Variants in TST observed in about 807,000 individuals in gnomAD.
TST encodes epididymis secretory sperm binding protein.
TST carries 22 observed loss-of-function variants against 20.4 expected under a neutral mutation model. The observed-to-expected ratio is 1.08, with a 90% CI of 0.77 to 1.54. The LOEUF is 1.54. Among genes scored for constraint, TST ranks in the 40% most tolerant of loss-of-function variants. The probability of loss-of-function intolerance (pLI) is 0.00; values close to 1 mark genes in which losing one functional copy is unlikely to be tolerated. For synonymous variants in TST, 187 were observed against 173.8 expected, an observed-to-expected ratio of 1.08 and a Z score of -0.60; for missense variants, 392 against 405.2, an observed-to-expected ratio of 0.97 and a Z score of 0.28.
intron 2 of TST, among the ~76,000 whole-genome samples, chr22:37,015,592 T>C (rs1421471862): frequency 1.3e-5 from 2 of 152,260 alleles, no homozygotes; most frequent in Non-Finnish European, 2.9e-5. Context: ...TTGCCTAAGG[T>C]GAGCAGGAAG....
upstream of TST, chr22:37,019,794 G>A (rs1192903997): frequency 1.0e-4 from 105 of 1,042,060 alleles, no homozygotes; most frequent in South Asian, 4.9e-5. Flanking sequence ...GGGAGGAGGG[G>A]ACAGCTGCGG....
Position 37,018,125 on chromosome 22 carries a change from C to G in TST, c.595+13G>C, listed in dbSNP as rs754009797. 6.5e-7 allele frequency: 1 copy of G among 1,529,738 alleles called. No homozygotes were observed. Among genetic ancestry groups the G allele is most frequent in the Admixed American group, 2.0e-5 (1 of 50,438 alleles). The allele number at this position is 1,529,738 out of a possible 1,614,324, so 94.8% of individuals were successfully genotyped here. A position where few individuals can be genotyped will look rare whatever the true frequency, so the allele number is the denominator to read the frequency against. Reference sequence around the variant, plus strand: ...AATACTCCCCAGGGACCACCCAGCACTGGGACACCTACCTACTGCATCCGG... The same window carrying G: ...AATACTCCCCAGGGACCACCCAGCAGTGGGACACCTACCTACTGCATCCGG... On this transcript the variant is annotated intron_variant, in intron 2 of 2. Coordinates refer to ENST00000249042, the MANE Select transcript of TST (RefSeq NM_003312.6).
At position 37,011,110 on chromosome 22, in the gene TST, C is replaced by T. The variant is rs761288130; in HGVS notation, c.811G>A (p.Val271Met). ...CACTCGGACCAGGAGCCATCGTACA[C>T]GGCCACATCAGGCTTGCCGCAGAGG... ...AYLCGKPDVA[V>M]YDGSWSEWFR... The change falls in exon 3 of 3, where the codon GTG (valine) becomes ATG (methionine). Residue 271 changes from valine to methionine, a missense_variant. Coordinates refer to ENST00000249042, the MANE Select transcript of TST (RefSeq NM_003312.6). 43 of 1,613,470 alleles carry T rather than the reference C, an allele frequency of 2.7e-5. No individual in the cohort carries two copies. The highest frequency in any genetic ancestry group is 1.1e-4 in the South Asian group (10 of 91,074).
chr22:37,019,635 G>GCGCGGGGGC, upstream of TST: 1 of 300,556 alleles, frequency 3.3e-6, no homozygotes. Flanking sequence ...ACGCCGGGTG[G>GCGCGGGGGC]CGCGGGGGCC....
At chr22:37,020,012 G>A, upstream of TST, 1 of 437,912 alleles carries the variant, frequency 2.3e-6, no homozygotes, top group East Asian at 3.6e-5. Flanking sequence ...CGCTACGTTG[G>A]CACTAAGGGT....
Position 37,014,530 on chromosome 22 carries a change from AG to A in TST, c.596-3206del, listed in dbSNP as rs775796976. 9.2e-5 allele frequency among the ~76,000 whole-genome samples: 14 copies of A among 152,332 alleles called. No homozygotes were observed. The East Asian group carries it at 9.6e-4, about 10-fold the overall frequency. ...CCCCATTCCCATAACCTGCGGCACC[AG>A]GCACTTGACAGCAGGTGCTCTCAAG... is the stretch of plus-strand genomic sequence containing the variant. On this transcript the variant is annotated intron_variant, in intron 2 of 2. Transcript: ENST00000249042.
intron 2 of TST, among the ~76,000 whole-genome samples, chr22:37,016,307 T>A (rs548301375): frequency 6.6e-6 from 1 of 152,172 alleles, no homozygotes; most frequent in South Asian, 2.1e-4. Context: ...CTCTTCTCAT[T>A]TTATGATAAG....
In TST at chr22:37,018,577, G is replaced by A. The variant is rs772954637; in HGVS notation, c.156C>T (p.His52=). The A allele has an allele frequency of 3.8e-6, 6 of 1,562,804 alleles. No individual in the cohort carries two copies. The highest frequency in any genetic ancestry group is 4.3e-6 in the Non-Finnish European group (5 of 1,153,856). The stretch of plus-strand genomic sequence containing the variant: ...TGTCAAAGAAAGAGGCGCCGGGTAC[G>A]TGGCGCTCGAGGTACTCCTTGCGGG... ...REARKEYLER[H]VPGASFFDIE... is the part of the protein sequence containing the mutation. Residue 52 remains histidine, a synonymous_variant, in exon 2 of 3, where the codon CAC becomes CAT. Coordinates refer to ENST00000249042, the MANE Select transcript of TST (RefSeq NM_003312.6).
At chr22:37,017,324 TTC>T (rs1922717311) in intron 2 of TST, among the ~76,000 whole-genome samples, 1 of 152,142 alleles carries the variant, frequency 6.6e-6, no homozygotes, top group Non-Finnish European at 1.5e-5. Flanking sequence ...GGAGGGGAAC[TTC>T]TGAGTCGCCT....
intron 2 of TST, among the ~76,000 whole-genome samples, chr22:37,013,575 T>C (rs578231484): frequency 1.3e-5 from 2 of 152,156 alleles, no homozygotes; most frequent in Admixed American, 6.5e-5. Context: ...GCCTGGGTGA[T>C]AGAGCAAGAC....
chr22:37,018,155 G>A lies in TST; in HGVS notation c.578C>T (p.Pro193Leu), dbSNP rs777456318. The A allele has an allele frequency of 8.3e-6, 13 of 1,559,550 alleles. No homozygotes were observed. The highest frequency in any genetic ancestry group is 2.1e-4 in the Middle Eastern group (1 of 4,810). The change falls in exon 2 of 3, where the codon CCG becomes CTG. Residue 193 changes from proline to leucine, a missense_variant. Coordinates refer to ENST00000249042, the MANE Select transcript of TST (RefSeq NM_003312.6). ...ACACCTACCTACTGCATCCGGCTCC[G>A]GCTCGGTGCCCAGGAACCGCCCTTG... ...RSQGRFLGTE[P>L]EPDAVGLDSG... is the part of the protein sequence containing the mutation.
chr22:37,015,704 G>A (rs1318609721), intron 2 of TST, among the ~76,000 whole-genome samples: 1 of 152,148 alleles, frequency 6.6e-6, no homozygotes, highest in Non-Finnish European at 1.5e-5. Context: ...CCACCCCCAT[G>A]CCCCTGTGTG....
intron 2 of TST, 46 bp from the exon 3 acceptor site, chr22:37,011,371 G>GGACT (rs1922475224): frequency 1.3e-6 from 2 of 1,567,648 alleles, no homozygotes; most frequent in Non-Finnish European, 1.7e-6. Context: ...TGAGGGGTGG[G>GGACT]GACTAATGGG....
chr22:37,017,662 G>T (rs758130587), intron 2 of TST, among the ~76,000 whole-genome samples: 3 of 152,144 alleles, frequency 2.0e-5, no homozygotes, highest in Non-Finnish European at 1.5e-5. Flanking sequence ...CCCCAGGAGA[G>T]CTAGATTTGG....
upstream of TST, chr22:37,019,649 C>T: frequency 3.1e-6 from 1 of 321,902 alleles, no homozygotes; most frequent in Non-Finnish European, 5.6e-6. Flanking sequence ...GGGGGCCGCG[C>T]GGGCCTGGGC....
chr22:37,019,809 G>C, upstream of TST: 1 of 1,153,240 alleles, frequency 8.7e-7, no homozygotes, highest in East Asian at 3.2e-5. Flanking sequence ...CTGCGGGCGC[G>C]GGGAGGGGGC....
chr22:37,018,913 T>C, intron 1 of TST, 160 bp from the exon 2 acceptor site: 1 of 516,710 alleles, frequency 1.9e-6, no homozygotes, highest in Non-Finnish European at 3.2e-6. Flanking sequence ...CGGGATAAGT[T>C]TGCAGATTCC....
chr22:37,018,633 C>T lies in TST; in HGVS notation c.100G>A (p.Ala34Thr). The change falls in exon 2 of 3, where the codon GCG (alanine) becomes ACG (threonine). Residue 34 changes from alanine to threonine, a missense_variant. Ala to Thr is a moderately conservative substitution (Grantham distance 58, BLOSUM62 0). Coordinates refer to ENST00000249042, the MANE Select transcript of TST (RefSeq NM_003312.6). ...CGGGTGCCTGGTGAGTACCAGGACGCGTCCAGCACCCGCAGGCCGGGCCCC... is the reference window on the plus strand; with the variant it reads ...CGGGTGCCTGGTGAGTACCAGGACGTGTCCAGCACCCGCAGGCCGGGCCCC... Reference protein sequence around the residue: ...KLGPGLRVLDASWYSPGTREA... With the variant: ...KLGPGLRVLDTSWYSPGTREA... 1 of 1,570,370 alleles carries T rather than the reference C, an allele frequency of 6.4e-7. No homozygotes were observed.
At position 37,018,244 on chromosome 22, in the gene TST, C is replaced by A; in HGVS notation, c.489G>T (p.Lys163Asn). Reference sequence around the variant, plus strand: ...GGTTCTCCAGCACCTGCTCGTAGGTCTTGAGCAGGGAGCGGTCCAGTGTGG... The same window carrying A: ...GGTTCTCCAGCACCTGCTCGTAGGTATTGAGCAGGGAGCGGTCCAGTGTGG... ...FKATLDRSLL[K>N]TYEQVLENLE... The change falls in exon 2 of 3, where the codon AAG becomes AAT. Residue 163 changes from lysine to asparagine, a missense_variant. By Grantham distance (94) the Lys-to-Asn change is moderately conservative. Transcript: ENST00000249042. 6.2e-7 allele frequency: 1 copy of A among 1,614,062 alleles called. No homozygotes were observed. Among genetic ancestry groups the A allele is most frequent in the Non-Finnish European group, 8.5e-7 (1 of 1,180,018 alleles).
Sources: gnomAD v4.1 joint callset for allele counts (sites outside exome capture counted in the v4.1 genomes callset) on GRCh38, gnomAD v4.1.1 for gene constraint, MANE v1.5 for transcripts, NCBI Gene and HGNC (gene_info 2026-07-23, HGNC 2026-07-21) for gene names.